C6orf58: variants seen among roughly 807,000 people sequenced by gnomAD.
C6orf58 encodes protein LEG1 homolog.
Under a neutral mutation model 37.0 loss-of-function variants are expected in C6orf58, and 30 were observed. The ratio of observed to expected loss-of-function variants is 0.81; its 90% CI spans 0.61 to 1.10. The LOEUF is 1.10. C6orf58 is among the 50% of genes least tolerant of loss of function. The pLI, the probability that C6orf58 is intolerant of heterozygous loss-of-function variation, is 0.00. For synonymous variants in C6orf58, 143 were observed against 134.1 expected (o/e 1.07, Z -0.46); for missense variants, 368 against 387.5 (o/e 0.95, Z 0.42).
chr6:127,591,619 CT>C lies in C6orf58; in HGVS notation c.991del (p.Ter331GlufsTer33). 6.7e-7 allele frequency: 1 copy of C among 1,495,952 alleles called. No homozygotes were observed. Among genetic ancestry groups the C allele is most frequent in the Non-Finnish European group, 8.9e-7 (1 of 1,126,820 alleles). The allele number at this position is 1,495,952 out of a possible 1,614,324, so 92.7% of individuals were successfully genotyped here. ...SSSRSYGNNS[*>X] ...GCTCTAGAAGTTATGGAAATAACTC[CT>C]GAAACATTTAACTTCAAACTTCAGG... On this transcript the variant is annotated frameshift_variant and stop_lost, in exon 6 of 6. Coordinates refer to ENST00000329722, the MANE Select transcript of C6orf58 (RefSeq NM_001010905.3). LOFTEE classifies it high-confidence loss of function.
Position 127,591,698 on chromosome 6 carries a change from C to CA in C6orf58, c.*82dup. 7.8e-7 allele frequency: 1 copy of CA among 1,274,452 alleles called. No homozygotes were observed. Among genetic ancestry groups the CA allele is most frequent in the Non-Finnish European group, 1.0e-6 (1 of 968,362 alleles). 78.9% of individuals were successfully genotyped at this position (1,274,452 alleles called of 1,614,324 possible). A position where few individuals can be genotyped will look rare whatever the true frequency, so the allele number is the denominator to read the frequency against. ...ACTCGAACTTGACAATCAGTAATTTCAAAAAATTAATGTCATCATGACCAT... is the reference window on the plus strand; with the variant it reads ...ACTCGAACTTGACAATCAGTAATTTCAAAAAAATTAATGTCATCATGACCAT... On this transcript the variant is annotated 3_prime_UTR_variant, in exon 6 of 6. Coordinates refer to ENST00000329722, the MANE Select transcript of C6orf58 (RefSeq NM_001010905.3).
chr6:127,589,327 G>T (rs1775137135), intron 4 of C6orf58, among the ~76,000 whole-genome samples: 1 of 152,186 alleles, frequency 6.6e-6, no homozygotes, highest in Admixed American at 6.5e-5. Context: ...ACCACATGGT[G>T]AGTACACAAT....
At chr6:127,577,585 A>T in intron 1 of C6orf58, 99 bp downstream of exon 1, 3 of 1,000,448 alleles carry the variant, frequency 3.0e-6, no homozygotes, top group Non-Finnish European at 4.5e-6. Flanking sequence ...GTTTTTAAAA[A>T]TTGATTCTTT....
chr6:127,584,138 A>C (rs141142667), intron 4 of C6orf58, among the ~76,000 whole-genome samples: 1 of 152,202 alleles, frequency 6.6e-6, no homozygotes, highest in African/African-American at 2.4e-5. Context: ...CCTTTTCACT[A>C]TTGTTATAGC....
rs1183542650 is a variant in C6orf58 at position 127,577,276 on chromosome 6, C to G, written c.91C>G (p.Pro31Ala). 1 of 1,611,820 alleles carries G rather than the reference C, an allele frequency of 6.2e-7. No individual in the cohort carries two copies. The highest frequency in any genetic ancestry group is 8.5e-7 in the Non-Finnish European group (1 of 1,178,036). ...GTSNLSETEP[P>A]LWKESPGQLS... ...TTCCAATCTCTCAGAGACAGAGCCC[C>G]CTCTGTGGAAGGAGAGTCCTGGTCA... Residue 31 changes from proline (P) to alanine (A), a missense_variant, in exon 1 of 6, where the codon CCT (proline) becomes GCT (alanine). Coordinates refer to ENST00000329722, the MANE Select transcript of C6orf58 (RefSeq NM_001010905.3).
chr6:127,587,148 T>C (rs1775115572), intron 4 of C6orf58, among the ~76,000 whole-genome samples: 1 of 152,200 alleles, frequency 6.6e-6, no homozygotes, highest in Non-Finnish European at 1.5e-5. Flanking sequence ...GCTTCCAAAA[T>C]CTTGTTGTTC....
chr6:127,577,417 T>C lies in C6orf58; in HGVS notation c.232T>C (p.Phe78Leu). 6.2e-7 allele frequency: 1 copy of C among 1,613,652 alleles called. No homozygotes were observed. Among genetic ancestry groups the C allele is most frequent in the African/African-American group, 1.3e-5 (1 of 74,992 alleles). The part of the protein sequence containing the change: ...LNQTARYFAK[F>L]APDNEQNILW... ...TCAGACAGCCAGGTATTTTGCAAAA[T>C]TTGCACCAGATAATGAACAGAATAT... The change falls in exon 1 of 6, where the codon TTT becomes CTT. Residue 78 changes from phenylalanine (F) to leucine (L), a missense_variant. Physicochemically the swap from Phe to Leu is conservative, Grantham distance 22. Coordinates refer to ENST00000329722, the MANE Select transcript of C6orf58 (RefSeq NM_001010905.3).
At chr6:127,581,698 T>A (rs961586750) in intron 4 of C6orf58, among the ~76,000 whole-genome samples, 1 of 152,120 alleles carries the variant, frequency 6.6e-6, no homozygotes, top group South Asian at 2.1e-4. Context: ...CCTGAACCAG[T>A]AGAGGTTCAG....
chr6:127,588,654 T>C (rs1775130293), intron 4 of C6orf58, among the ~76,000 whole-genome samples: 1 of 152,192 alleles, frequency 6.6e-6, no homozygotes, highest in Non-Finnish European at 1.5e-5. Flanking sequence ...TTCTATCTGA[T>C]CATTAGGTGA....
At chr6:127,587,594 G>A (rs1407214113) in intron 4 of C6orf58, among the ~76,000 whole-genome samples, 1 of 152,082 alleles carries the variant, frequency 6.6e-6, no homozygotes, top group Non-Finnish European at 1.5e-5. Flanking sequence ...AAGATTCAAG[G>A]CTAATGATTG....
intron 2 of C6orf58, 55 bp from the exon 3 acceptor site, chr6:127,580,210 T>A (rs1342921530): frequency 3.6e-6 from 5 of 1,370,196 alleles, no homozygotes; most frequent in Non-Finnish European, 5.1e-6. Context: ...CTTAAAAATA[T>A]CCTCTTTGAA....
intron 4 of C6orf58, among the ~76,000 whole-genome samples, chr6:127,588,153 C>T (rs1375158063): frequency 6.6e-6 from 1 of 152,196 alleles, no homozygotes; most frequent in East Asian, 1.9e-4. Flanking sequence ...TGTTCCCCGT[C>T]TCATTCTACA....
Position 127,591,719 on chromosome 6 carries a change from A to G in C6orf58, c.*97A>G. 2 of 1,058,418 alleles carry G rather than the reference A, an allele frequency of 1.9e-6. No homozygotes were observed. Among genetic ancestry groups the G allele is most frequent in the African/African-American group, 3.3e-5 (2 of 60,380 alleles). The allele number at this position is 1,058,418 out of a possible 1,614,324, so 65.6% of individuals were successfully genotyped here. On this transcript the variant is annotated 3_prime_UTR_variant, in exon 6 of 6. Transcript: ENST00000329722. ...ATTTCAAAAAATTAATGTCATCATG[A>G]CCATGTAGTTTATTCTTTCTGATAT...
At chr6:127,589,159 A>G (rs1775135437) in intron 4 of C6orf58, among the ~76,000 whole-genome samples, 1 of 152,228 alleles carries the variant, frequency 6.6e-6, no homozygotes, top group African/African-American at 2.4e-5. Flanking sequence ...GAATATAACT[A>G]GAGAAAAAAA....
intron 4 of C6orf58, among the ~76,000 whole-genome samples, chr6:127,585,539 T>G (rs1775098274): frequency 6.6e-6 from 1 of 152,292 alleles, no homozygotes; most frequent in East Asian, 1.9e-4. Flanking sequence ...GAAGACAACA[T>G]GAAGCACAGG....
intron 5 of C6orf58, among the ~76,000 whole-genome samples, chr6:127,591,244 A>G (rs1302999349): frequency 6.6e-6 from 1 of 152,118 alleles, no homozygotes; most frequent in Non-Finnish European, 1.5e-5. Flanking sequence ...TGTTATTATT[A>G]GTTATTGCCA....
At chr6:127,582,030 C>T (rs932141129) in intron 4 of C6orf58, among the ~76,000 whole-genome samples, 42 of 152,180 alleles carry the variant, frequency 2.8e-4, no homozygotes, top group African/African-American at 9.9e-4. Context: ...CAATTCCCCA[C>T]CTTTTGGTCT....
intron 4 of C6orf58, among the ~76,000 whole-genome samples, chr6:127,586,893 G>A (rs753741844): frequency 2.5e-4 from 38 of 152,156 alleles, no homozygotes; most frequent in Non-Finnish European, 5.0e-4. Context: ...TCCAGGGCAA[G>A]GAGTGGCAGT....
chr6:127,590,157 G>A lies in C6orf58; in HGVS notation c.745G>A (p.Ala249Thr). 2 of 1,613,780 alleles carry A rather than the reference G, an allele frequency of 1.2e-6. No individual in the cohort carries two copies. The highest frequency in any genetic ancestry group is 1.1e-5 in the South Asian group (1 of 91,072). ...GGTACTGGCTGTGGATCATTTAGCT[G>A]CAGTCCTCTTTCCTACAACCTTGAT... is the stretch of plus-strand genomic sequence containing the variant. Reference protein sequence around the residue: ...SWVLAVDHLAAVLFPTTLIRS... With the variant: ...SWVLAVDHLATVLFPTTLIRS... Residue 249 changes from alanine to threonine, a missense_variant, in exon 5 of 6, where the codon GCA becomes ACA. Physicochemically the swap from Ala to Thr is moderately conservative, Grantham distance 58. Coordinates refer to ENST00000329722, the MANE Select transcript of C6orf58 (RefSeq NM_001010905.3).
Sources: allele counts gnomAD v4.1 joint callset (sites outside exome capture counted in the v4.1 genomes callset), GRCh38; gene constraint gnomAD v4.1.1; transcripts MANE v1.5; gene names NCBI Gene and HGNC (gene_info 2026-07-23, HGNC 2026-07-21).